Variants in DOCK9 observed in about 807,000 individuals in gnomAD.
DOCK9 encodes the protein dedicator of cytokinesis 9.
A neutral mutation model predicts 263.3 loss-of-function variants in DOCK9; 89 were observed. The ratio of observed to expected loss-of-function variants is 0.34; its 90% CI spans 0.28 to 0.40. The LOEUF (loss-of-function observed/expected upper bound fraction) is 0.40, where lower values mean the gene tolerates loss of function less well. DOCK9 is among the 10% of genes least tolerant of loss of function. The probability of loss-of-function intolerance (pLI) is 1.00; values close to 1 mark genes in which losing one functional copy is unlikely to be tolerated. For missense variants in DOCK9, 2,140 were observed against 2,603.4 expected (o/e 0.82, Z 3.87); for synonymous variants, 976 against 973.1 (o/e 1.00, Z -0.06).
intron 13 of DOCK9, among the ~76,000 whole-genome samples, chr13:98,899,449 T>C (rs1423459305): frequency 6.6e-6 from 1 of 152,164 alleles, no homozygotes; most frequent in African/African-American, 2.4e-5. Flanking sequence ...AATCCTACCA[T>C]AATCATGCTG....
chr13:98,848,418 T>C (rs2093456420), intron 37 of DOCK9, among the ~76,000 whole-genome samples, 174 bp downstream of exon 37: 2 of 152,112 alleles, frequency 1.3e-5, no homozygotes, highest in Non-Finnish European at 2.9e-5. Context: ...CCGGTAGGAA[T>C]GCAGACCAAA....
intron 7 of DOCK9, among the ~76,000 whole-genome samples, chr13:98,919,091 C>G (rs1476086998): frequency 6.6e-6 from 1 of 150,638 alleles, no homozygotes; most frequent in African/African-American, 2.4e-5. Flanking sequence ...GAAGCACTGC[C>G]CTTCAGCACT....
chr13:99,035,321 CCAA>C (rs1887760929), intron 1 of DOCK9, among the ~76,000 whole-genome samples: 1 of 152,180 alleles, frequency 6.6e-6, no homozygotes, highest in Non-Finnish European at 1.5e-5. Flanking sequence ...CTCCCTCACC[CCAA>C]CATCTATCCT....
intron 1 of DOCK9, among the ~76,000 whole-genome samples, chr13:99,033,765 C>T (rs1449629724): frequency 6.6e-6 from 1 of 152,240 alleles, no homozygotes; most frequent in Non-Finnish European, 1.5e-5. Context: ...TCTACTCTCA[C>T]ATCCCCAGAC....
intron 2 of DOCK9, chr13:98,950,258 C>T (rs775588298): frequency 1.2e-5 from 10 of 801,310 alleles, no homozygotes; most frequent in African/African-American, 5.2e-5. Context: ...TGCAGCTTGT[C>T]GTGTTTCTGC....
chr13:98,999,252 G>A (rs540987890), intron 1 of DOCK9, among the ~76,000 whole-genome samples: 159 of 149,898 alleles, frequency 1.1e-3, no homozygotes, highest in African/African-American at 3.8e-3. Context: ...ACAGGTCATA[G>A]GAGCAGCTTA....
chr13:98,904,016 G>A lies in DOCK9; in HGVS notation c.1035+616C>T, dbSNP rs1391336433. ...CATTTGATACAAAGTTTCCGTGTGG[G>A]AAAATGAAGAAGTTCTGGAAATGGA... On this transcript the variant is annotated intron_variant, in intron 10 of 52. Transcript: ENST00000682017. Among the ~76,000 whole-genome samples, 3 of 152,140 alleles carry A rather than the reference G, an allele frequency of 2.0e-5. No individual in the cohort carries two copies. In the East Asian group the frequency reaches 5.8e-4, roughly 29 times the overall value.
rs186028478 is a variant in DOCK9, at chr13:99,009,529, C to T, written c.130-53978G>A. Among the ~76,000 whole-genome samples the T allele has an allele frequency of 8.9e-4, 136 of 152,234 alleles. 1 individual carries two copies. The highest frequency in any genetic ancestry group is 1.3e-4 in the Non-Finnish European group (9 of 68,022). On this transcript the variant is annotated intron_variant, in intron 1 of 32. Coordinates refer to the DOCK9 transcript ENST00000427887. Reference sequence around the variant, plus strand: ...CCGATATAAATGTACAAGAAAAAGCCATGAGAACACCTAAGATAATCAAGA... The same window carrying T: ...CCGATATAAATGTACAAGAAAAAGCTATGAGAACACCTAAGATAATCAAGA...
In DOCK9 at chr13:98,898,259, C is replaced by T; in HGVS notation, c.1506G>A (p.Val502=). The T allele has an allele frequency of 1.2e-6, 2 of 1,609,570 alleles. No individual in the cohort carries two copies. The highest frequency in any genetic ancestry group is 2.2e-5 in the South Asian group (2 of 90,030). Residue 502 remains valine, a splice_region_variant and synonymous_variant, in exon 14 of 53, where the codon GTG becomes GTA. Coordinates refer to ENST00000682017, the MANE Select transcript of DOCK9 (RefSeq NM_001366683.2). ...PYMKSSDSSK[V]AQKVLKNAKQ... ...TGGCATTCTTCAGCACCTTCTGGGC[C>T]ACCTTGAAGACATGAGAATAAAGCT...
chr13:98,853,419 C>T lies in DOCK9; in HGVS notation c.3935G>A (p.Ser1312Asn), dbSNP rs772008986. Residue 1312 changes from serine to asparagine, a missense_variant, in exon 35 of 53, where the codon AGC becomes AAC. Coordinates refer to ENST00000682017, the MANE Select transcript of DOCK9 (RefSeq NM_001366683.2). Reference sequence around the variant, plus strand: ...ATTTTTTAACCTACCATCAGACATGCTCTTTAAGATGTAGAGGAAACACAT... The same window carrying T: ...ATTTTTTAACCTACCATCAGACATGTTCTTTAAGATGTAGAGGAAACACAT... The part of the protein sequence containing the change: ...LLMCFLYILK[S>N]MSDDALFTYW... 1.9e-6 allele frequency: 3 copies of T among 1,605,382 alleles called. No individual in the cohort carries two copies. The highest frequency in any genetic ancestry group is 2.2e-5 in the South Asian group (2 of 89,218).
intron 45 of DOCK9, among the ~76,000 whole-genome samples, chr13:98,820,072 A>G (rs1371875088): frequency 2.0e-5 from 3 of 152,238 alleles, no homozygotes; most frequent in Admixed American, 2.0e-4. Context: ...ATTAGTGAAT[A>G]CTTGTCCGCT....
chr13:99,039,462 G>T (rs1338778007), intron 1 of DOCK9, among the ~76,000 whole-genome samples: 1 of 152,066 alleles, frequency 6.6e-6, no homozygotes, highest in Admixed American at 6.5e-5. Context: ...TGAAACTGTG[G>T]GAAAATGTTA....
chr13:98,902,515 T>A, intron 11 of DOCK9, 24 bp from the exon 12 acceptor site: 2 of 1,604,200 alleles, frequency 1.2e-6, no homozygotes, highest in Non-Finnish European at 1.7e-6. Context: ...AACAATCCAA[T>A]GATCACCATG....
At chr13:98,838,281 G>T (rs1418078017) in intron 38 of DOCK9, among the ~76,000 whole-genome samples, 1 of 152,186 alleles carries the variant, frequency 6.6e-6, no homozygotes, top group East Asian at 1.9e-4. Flanking sequence ...GGATAATACA[G>T]TATCTACCTC....
intron 1 of DOCK9, among the ~76,000 whole-genome samples, chr13:99,066,629 T>G (rs1329354366): frequency 5.3e-5 from 8 of 151,714 alleles, no homozygotes. Flanking sequence ...TTGGGGATCT[T>G]TGCACCTATG....
At chr13:98,937,670 G>A (rs1031133231) in intron 2 of DOCK9, among the ~76,000 whole-genome samples, 1 of 150,798 alleles carries the variant, frequency 6.6e-6, no homozygotes, top group African/African-American at 2.4e-5. Context: ...ACAGATACCT[G>A]AGAGCCCCAG....
chr13:99,044,981 C>A (rs1025823282), intron 1 of DOCK9, among the ~76,000 whole-genome samples: 1 of 152,160 alleles, frequency 6.6e-6, no homozygotes, highest in Non-Finnish European at 1.5e-5. Flanking sequence ...CAGTGGTACC[C>A]AAGTCGACAG....
At chr13:99,038,287 C>CTTT (rs1555298970) in intron 1 of DOCK9, among the ~76,000 whole-genome samples, 739 of 48,460 alleles carry the variant, frequency 0.015, 18 homozygotes, top group East Asian at 0.05. Context: ...TTTATGCCCC[C>CTTT]CTTTTTTTTT....
intron 1 of DOCK9, among the ~76,000 whole-genome samples, chr13:99,069,332 A>G (rs2041570019): frequency 6.6e-6 from 1 of 152,190 alleles, no homozygotes; most frequent in Non-Finnish European, 1.5e-5. Context: ...TACCCCTTAA[A>G]CAGAAATGCA....
Sources: gnomAD v4.1 joint callset for allele counts (sites outside exome capture counted in the v4.1 genomes callset) on GRCh38, gnomAD v4.1.1 for gene constraint, MANE v1.5 for transcripts, NCBI Gene and HGNC (gene_info 2026-07-23, HGNC 2026-07-21) for gene names.